Variants in RBM6 observed in about 807,000 individuals in gnomAD.
The protein encoded by RBM6 is RNA binding motif protein 6, also known as RNA-binding protein 6.
A neutral mutation model predicts 140.4 loss-of-function variants in RBM6; 23 were observed. The ratio of observed to expected loss-of-function variants is 0.16; its 90% CI spans 0.12 to 0.23. The LOEUF is 0.23. Ranked by LOEUF, RBM6 falls within the 10% of genes least tolerant of loss-of-function variation. The probability of loss-of-function intolerance (pLI) is 1.00; values close to 1 mark genes in which losing one functional copy is unlikely to be tolerated. For missense variants in RBM6, 1,139 were observed against 1,386.7 expected (o/e 0.82, Z 2.84); for synonymous variants, 439 against 475.6 (o/e 0.92, Z 1.00).
At chr3:49,975,146 G>T (rs1411219852) in intron 4 of RBM6, among the ~76,000 whole-genome samples, 177 bp from the exon 5 acceptor site, 1 of 151,920 alleles carries the variant, frequency 6.6e-6, no homozygotes, top group African/African-American at 2.4e-5. Context: ...ACCAATTTTT[G>T]AATAATTATG....
At position 49,966,261 on chromosome 3, in the gene RBM6, C is replaced by T. The variant is rs541463861; in HGVS notation, c.45-1209C>T. Among the ~76,000 whole-genome samples, 13 of 152,316 alleles carry T rather than the reference C, an allele frequency of 8.5e-5. No homozygotes were observed. The South Asian group carries it at 2.7e-3, about 32-fold the overall frequency. On this transcript the variant is annotated intron_variant, in intron 2 of 20. Transcript: ENST00000266022. ...GCTCAGAAGGGCCTTATGATAGACC[C>T]TGTATGTTCTGGGAGGCAAGAATTG...
chr3:49,947,280 T>G, intron 1 of RBM6, among the ~76,000 whole-genome samples: 1 of 86,188 alleles, frequency 1.2e-5, no homozygotes, highest in Non-Finnish European at 2.5e-5. Flanking sequence ...GGGGGGGGTT[T>G]TGAGCTGGGT....
At chr3:49,999,331 G>T in intron 5 of RBM6, 109 bp from the exon 6 acceptor site, 1 of 882,450 alleles carries the variant, frequency 1.1e-6, no homozygotes, top group Non-Finnish European at 1.9e-6. Flanking sequence ...GGAGGGGTTA[G>T]TTGGGAGGGC....
chr3:50,052,108 A>T (rs1230708169), intron 7 of RBM6, among the ~76,000 whole-genome samples: 4 of 152,234 alleles, frequency 2.6e-5, no homozygotes, highest in Admixed American at 6.5e-5. Flanking sequence ...TTTGTCACCC[A>T]GGCTGGATTG....
chr3:50,061,504 A>G lies in RBM6; in HGVS notation c.2396A>G (p.Tyr799Cys). ...ATATATGATTCTGCTACTGGCTACT[A>G]TTATGACCCCTTGGCAGGAACTTAT... ...CYIYDSATGY[Y>C]YDPLAGTYYD... is the part of the protein sequence containing the mutation. Residue 799 changes from tyrosine (Y) to cysteine (C), a missense_variant, in exon 14 of 21, where the codon TAT becomes TGT. By Grantham distance (194) the Tyr-to-Cys change is radical. Around this residue, in one of 9 missense-constraint regions of RBM6, gnomAD observed 163 missense variants for 182.8 expected, o/e 0.89. Coordinates refer to ENST00000266022, the MANE Select transcript of RBM6 (RefSeq NM_005777.3). 1 of 1,593,902 alleles carries G rather than the reference A, an allele frequency of 6.3e-7. No homozygotes were observed. The highest frequency in any genetic ancestry group is 2.3e-5 in the East Asian group (1 of 43,300).
intron 5 of RBM6, among the ~76,000 whole-genome samples, chr3:49,976,036 A>G (rs11130230): frequency 0.07 from 10,625 of 152,240 alleles, 386 homozygotes; most frequent in Non-Finnish European, 0.077. Context: ...TGAAATGCCA[A>G]GAACTCAAGG....
chr3:50,006,931 C>CAA (rs1202355520), intron 6 of RBM6, among the ~76,000 whole-genome samples: 8 of 92,748 alleles, frequency 8.6e-5, no homozygotes, highest in South Asian at 3.4e-4. Flanking sequence ...GACTCCATCT[C>CAA]AAAAAAAAAA....
chr3:49,953,312 C>T (rs1332465584), intron 1 of RBM6, among the ~76,000 whole-genome samples: 2 of 151,930 alleles, frequency 1.3e-5, no homozygotes, highest in African/African-American at 2.4e-5. Flanking sequence ...TTCCACCTCC[C>T]GGATTCAAGT....
intron 1 of RBM6, among the ~76,000 whole-genome samples, chr3:49,953,523 CT>C (rs796386335): frequency 2.1e-3 from 273 of 130,966 alleles, no homozygotes; most frequent in Middle Eastern, 4.7e-3. Context: ...CGAACCTGGC[CT>C]TTTTTTTTTT....
chr3:50,031,217 C>G (rs1201770309), intron 6 of RBM6, among the ~76,000 whole-genome samples: 2 of 152,122 alleles, frequency 1.3e-5, no homozygotes, highest in Non-Finnish European at 2.9e-5. Flanking sequence ...TTTGACCCAG[C>G]CATCCCATTA....
intron 1 of RBM6, 131 bp from the exon 2 acceptor site, chr3:49,962,426 CATCTCAAAAAAAAAAAAGA>C: frequency 2.0e-6 from 1 of 501,536 alleles, no homozygotes; most frequent in Non-Finnish European, 3.4e-6. Context: ...AGCGAGACTC[CATCTCAAAAAAAAAAAAGA>C]AAAGAAAGAA....
intron 5 of RBM6, among the ~76,000 whole-genome samples, chr3:49,989,815 C>T (rs976349792): frequency 1.3e-5 from 2 of 152,042 alleles, no homozygotes; most frequent in Non-Finnish European, 1.5e-5. Flanking sequence ...GGCATCATCT[C>T]GATTCACTGT....
chr3:49,966,153 G>A (rs62262118), intron 2 of RBM6, among the ~76,000 whole-genome samples: 33,228 of 152,108 alleles, frequency 0.22, 3,930 homozygotes, highest in Middle Eastern at 0.27. Context: ...GAAAGAAAAG[G>A]TTTGGCATTG....
At chr3:49,986,091 AT>A (rs2085542142) in intron 5 of RBM6, among the ~76,000 whole-genome samples, 3 of 151,746 alleles carry the variant, frequency 2.0e-5, no homozygotes, top group Admixed American at 2.0e-4. Flanking sequence ...GGTACAAGTG[AT>A]TCTTCTGCAT....
chr3:50,066,562 T>C, intron 17 of RBM6, 60 bp downstream of exon 17: 4 of 1,564,222 alleles, frequency 2.6e-6, no homozygotes, highest in Non-Finnish European at 3.5e-6. Flanking sequence ...GCTTTGTGGC[T>C]CATGCCTGTA....
At chr3:50,006,372 G>A (rs1181886053) in intron 6 of RBM6, among the ~76,000 whole-genome samples, 1 of 151,908 alleles carries the variant, frequency 6.6e-6, no homozygotes, top group Non-Finnish European at 1.5e-5. Context: ...CTCACCTCAG[G>A]TGATCCGCCC....
chr3:49,947,415 G>A (rs1054496604), intron 1 of RBM6, among the ~76,000 whole-genome samples: 2 of 152,132 alleles, frequency 1.3e-5, no homozygotes, highest in Admixed American at 6.6e-5. Context: ...GGGTGACAGA[G>A]TGGCCCAGTC....
chr3:50,037,961 A>G (rs1191553909), intron 6 of RBM6, among the ~76,000 whole-genome samples: 1 of 151,526 alleles, frequency 6.6e-6, no homozygotes, highest in African/African-American at 2.4e-5. Context: ...AGCTGGGATT[A>G]CAGGCGCCCG....
At chr3:49,953,952 C>T (rs747425776) in intron 1 of RBM6, among the ~76,000 whole-genome samples, 2 of 151,820 alleles carry the variant, frequency 1.3e-5, no homozygotes, top group Non-Finnish European at 2.9e-5. Context: ...GGCAACATAA[C>T]GAAACCCTAG....
Sources: gnomAD v4.1 joint callset for allele counts (sites outside exome capture counted in the v4.1 genomes callset) on GRCh38, gnomAD v4.1.1 for gene constraint, gnomAD v4.1.1 regional missense constraint, MANE v1.5 for transcripts, NCBI Gene and HGNC (gene_info 2026-07-23, HGNC 2026-07-21) for gene names.